RUNDC3B: variants seen among roughly 807,000 people sequenced by gnomAD.
The protein encoded by RUNDC3B is RUN domain containing 3B.
Under a neutral mutation model 58.4 loss-of-function variants are expected in RUNDC3B, and 33 were observed. The observed-to-expected ratio is 0.56, with a 90% CI of 0.43 to 0.75. The LOEUF (loss-of-function observed/expected upper bound fraction) is 0.75, where lower values mean the gene tolerates loss of function less well. RUNDC3B is among the 30% of genes least tolerant of loss of function. RUNDC3B has a pLI of 0.00. For missense variants in RUNDC3B, 501 were observed against 535.7 expected, an observed-to-expected ratio of 0.94 and a Z score of 0.64; for synonymous variants, 193 against 195.2, an observed-to-expected ratio of 0.99 and a Z score of 0.10.
At chr7:87,718,641 C>T (rs1830697576) in intron 4 of RUNDC3B, among the ~76,000 whole-genome samples, 1 of 151,952 alleles carries the variant, frequency 6.6e-6, no homozygotes, top group Non-Finnish European at 1.5e-5. Flanking sequence ...ATGGAAAGTC[C>T]TTTACAAAAT....
At chr7:87,773,663 TTTG>T (rs1834435702) in intron 7 of RUNDC3B, among the ~76,000 whole-genome samples, 2 of 134,240 alleles carry the variant, frequency 1.5e-5, no homozygotes, top group African/African-American at 2.7e-5. Context: ...CTTGTCTTGT[TTTG>T]TTTTGTTTTG....
chr7:87,715,553 A>G (rs1192255157), intron 4 of RUNDC3B, among the ~76,000 whole-genome samples: 1 of 140,382 alleles, frequency 7.1e-6, no homozygotes, highest in East Asian at 2.0e-4. Flanking sequence ...ATATTAATAT[A>G]ATATATTAAA....
chr7:87,740,516 A>G (rs925095495), intron 5 of RUNDC3B, among the ~76,000 whole-genome samples: 1 of 152,142 alleles, frequency 6.6e-6, no homozygotes, highest in Non-Finnish European at 1.5e-5. Flanking sequence ...GTTTGTCTAT[A>G]AGAAAACTCA....
intron 1 of RUNDC3B, among the ~76,000 whole-genome samples, chr7:87,634,846 C>T (rs1821604368): frequency 6.6e-6 from 1 of 152,014 alleles, no homozygotes; most frequent in Non-Finnish European, 1.5e-5. Context: ...GAAGCAGGTT[C>T]AGTATTATTA....
intron 4 of RUNDC3B, among the ~76,000 whole-genome samples, chr7:87,736,020 G>C (rs1831909553): frequency 6.6e-6 from 1 of 152,080 alleles, no homozygotes; most frequent in African/African-American, 2.4e-5. Flanking sequence ...AAGACCTTTG[G>C]AGGTTGACTT....
chr7:87,657,029 T>A (rs181774274), intron 2 of RUNDC3B, among the ~76,000 whole-genome samples: 10 of 152,298 alleles, frequency 6.6e-5, no homozygotes, highest in African/African-American at 2.4e-4. Context: ...GGAAGACTTG[T>A]ACCTCTGGGA....
At chr7:87,689,586 C>G (rs1396624399) in intron 2 of RUNDC3B, among the ~76,000 whole-genome samples, 1 of 151,966 alleles carries the variant, frequency 6.6e-6, no homozygotes, top group African/African-American at 2.4e-5. Context: ...GCTAATATTA[C>G]TTTATTGTGC....
chr7:87,737,099 A>T (rs1832031059), intron 4 of RUNDC3B, among the ~76,000 whole-genome samples: 1 of 150,914 alleles, frequency 6.6e-6, no homozygotes, highest in South Asian at 2.1e-4. Flanking sequence ...GGGTTTCACC[A>T]TGTTGCCCAG....
intron 8 of RUNDC3B, among the ~76,000 whole-genome samples, chr7:87,802,878 G>C (rs1340639403): frequency 1.3e-5 from 2 of 152,096 alleles, no homozygotes; most frequent in Non-Finnish European, 2.9e-5. Context: ...CCCAGCTATT[G>C]GGAGATGGAG....
chr7:87,751,377 C>T (rs1336293684), intron 6 of RUNDC3B, among the ~76,000 whole-genome samples: 2 of 152,002 alleles, frequency 1.3e-5, no homozygotes, highest in African/African-American at 4.8e-5. Flanking sequence ...TTTTTTTATT[C>T]CACATGAACT....
At chr7:87,690,659 A>G (rs919526105) in intron 2 of RUNDC3B, among the ~76,000 whole-genome samples, 2 of 152,134 alleles carry the variant, frequency 1.3e-5, no homozygotes, top group Non-Finnish European at 2.9e-5. Context: ...TTCGCTGAAA[A>G]ATTTTCCTCC....
intron 10 of RUNDC3B, 107 bp downstream of exon 10, chr7:87,816,369 T>A (rs1837033734): frequency 1.2e-6 from 1 of 805,972 alleles, no homozygotes; most frequent in Non-Finnish European, 1.9e-6. Context: ...TTAATCATGC[T>A]AGAAATTAAG....
At chr7:87,765,718 G>A in intron 6 of RUNDC3B, among the ~76,000 whole-genome samples, 1 of 151,998 alleles carries the variant, frequency 6.6e-6, no homozygotes. Flanking sequence ...CAACCATATG[G>A]TCAGTTTTGG....
rs145710071 is a variant in RUNDC3B at position 87,668,962 on chromosome 7, G to T, written c.238+18025G>T. On this transcript the variant is annotated intron_variant, in intron 2 of 10. Transcript: ENST00000394654. ...AGAATGTATATTCTGGTGTTTTTTG[G>T]TGGAGAGTTCTATAGAGGTGTATCC... 1.8e-4 allele frequency among the ~76,000 whole-genome samples: 28 copies of T among 152,172 alleles called. No individual in the cohort carries two copies. In the East Asian group the frequency reaches 5.2e-3, roughly 28 times the overall value.
Position 87,820,787 on chromosome 7 carries a change from C to G in RUNDC3B, c.1225+4525C>G, listed in dbSNP as rs1368073448. 2.6e-5 allele frequency among the ~76,000 whole-genome samples: 4 copies of G among 151,258 alleles called. No homozygotes were observed. In the South Asian group the frequency reaches 8.3e-4, roughly 31 times the overall value. On this transcript the variant is annotated intron_variant, in intron 10 of 10. Transcript: ENST00000394654. Reference sequence around the variant, plus strand: ...ATATAAACAGAACCAAAGACAAAAACCACATGATTATCTCAATAGATGCAG... The same window carrying G: ...ATATAAACAGAACCAAAGACAAAAAGCACATGATTATCTCAATAGATGCAG...
chr7:87,804,238 AC>A (rs1279795243), intron 8 of RUNDC3B, among the ~76,000 whole-genome samples: 3 of 152,146 alleles, frequency 2.0e-5, no homozygotes, highest in Admixed American at 1.3e-4. Flanking sequence ...GAGAGCAAAC[AC>A]AAGGAGATGA....
In RUNDC3B at chr7:87,669,557, T is replaced by C. The variant is rs560978863; in HGVS notation, c.238+18620T>C. Among the ~76,000 whole-genome samples the C allele has an allele frequency of 6.6e-5, 10 of 152,194 alleles. No individual in the cohort carries two copies. The South Asian group carries it at 2.1e-3, about 31-fold the overall frequency. On this transcript the variant is annotated intron_variant, in intron 2 of 10. Transcript: ENST00000394654. Reference sequence around the variant, plus strand: ...TTATGTTGGCTTTTTCTGTGATTGTTTTACAGTGACACTGGTCTGTGTGTT... The same window carrying C: ...TTATGTTGGCTTTTTCTGTGATTGTCTTACAGTGACACTGGTCTGTGTGTT...
intron 7 of RUNDC3B, among the ~76,000 whole-genome samples, chr7:87,774,099 A>G (rs995547598): frequency 6.6e-5 from 10 of 152,198 alleles, no homozygotes; most frequent in Admixed American, 6.5e-4. Context: ...ATAGTGCAGT[A>G]AAGTTAGATA....
intron 4 of RUNDC3B, among the ~76,000 whole-genome samples, chr7:87,733,030 C>G (rs913802316): frequency 3.9e-5 from 6 of 152,070 alleles, no homozygotes; most frequent in African/African-American, 7.2e-5. Context: ...CCGGTTAGAC[C>G]AGAAATTCTC....
Sources: gnomAD v4.1 joint callset for allele counts (sites outside exome capture counted in the v4.1 genomes callset) on GRCh38, gnomAD v4.1.1 for gene constraint, MANE v1.5 for transcripts, NCBI Gene and HGNC (gene_info 2026-07-23, HGNC 2026-07-21) for gene names.